The following NHS variants were observed in gnomAD, a reference collection of about 807,000 sequenced individuals.
NHS encodes the protein actin remodeling regulator NHS.
NHS carries 5 observed loss-of-function variants against 72.5 expected under a neutral mutation model. That is an observed-to-expected ratio of 0.07 (90% CI 0.04 to 0.14). The LOEUF (loss-of-function observed/expected upper bound fraction) is 0.14, where lower values mean the gene tolerates loss of function less well. Among genes scored for constraint, NHS ranks in the 10% least tolerant of loss-of-function variants. NHS has a pLI of 1.00. For missense variants in NHS, 1,072 were observed against 1,355.7 expected, an observed-to-expected ratio of 0.79 and a Z score of 3.29; for synonymous variants, 464 against 547.7, an observed-to-expected ratio of 0.85 and a Z score of 2.13.
intron 1 of NHS, among the ~76,000 whole-genome samples, chrX:17,451,935 T>C (rs1408756286): frequency 8.9e-6 from 1 of 112,130 alleles, no homozygotes; most frequent in Non-Finnish European, 1.9e-5. Flanking sequence ...CATCCTTAAA[T>C]TGCTATTTTA....
chrX:17,527,826 T>C (rs2065180414), intron 1 of NHS, among the ~76,000 whole-genome samples: 1 of 111,461 alleles, frequency 9.0e-6, no homozygotes, highest in Non-Finnish European at 1.9e-5. Flanking sequence ...TAAATAGGCT[T>C]CACTGCCCCC....
chrX:17,538,491 G>A lies in NHS; in HGVS notation c.566-149251G>A, dbSNP rs752722015. 3.9e-4 allele frequency among the ~76,000 whole-genome samples: 44 copies of A among 111,840 alleles called. 1 individual carries two copies. The South Asian group carries it at 0.012, about 30-fold the overall frequency. Reference sequence around the variant, plus strand: ...CTCTGGGAAACTAAGCAGAACACACGTCAGAGTTTCCTGCCTAGGAGGTGA... The same window carrying A: ...CTCTGGGAAACTAAGCAGAACACACATCAGAGTTTCCTGCCTAGGAGGTGA... On this transcript the variant is annotated intron_variant, in intron 1 of 8. Coordinates refer to ENST00000676302, the MANE Select transcript of NHS (RefSeq NM_001291867.2).
intron 1 of NHS, among the ~76,000 whole-genome samples, chrX:17,385,229 C>A (rs1385855571): frequency 8.9e-6 from 1 of 112,112 alleles, no homozygotes; most frequent in Non-Finnish European, 1.9e-5. Flanking sequence ...AATGAGTAAT[C>A]TGAGGACCTG....
intron 1 of NHS, among the ~76,000 whole-genome samples, chrX:17,607,701 A>G (rs2065688082): frequency 9.0e-6 from 1 of 111,273 alleles, no homozygotes; most frequent in Non-Finnish European, 1.9e-5. Flanking sequence ...ATCAAGTGCT[A>G]CTGAGCATTT....
intron 1 of NHS, among the ~76,000 whole-genome samples, chrX:17,619,410 C>T (rs1344729228): frequency 8.9e-6 from 1 of 111,737 alleles, no homozygotes; most frequent in Non-Finnish European, 1.9e-5. Context: ...TTGTTTGTTA[C>T]ACTAGTTAGC....
At chrX:17,636,988 C>A (rs1311918591) in intron 1 of NHS, among the ~76,000 whole-genome samples, 1 of 111,613 alleles carries the variant, frequency 9.0e-6, no homozygotes, top group Non-Finnish European at 1.9e-5. Context: ...CACCTCAGAC[C>A]AATCAAATCA....
Position 17,378,629 on chromosome X carries a change from A to C in NHS, c.565+2307A>C, listed in dbSNP as rs963930224. On this transcript the variant is annotated intron_variant, in intron 1 of 8. Transcript: ENST00000676302. ...CTGGAAGCACAGAGAGGGGGTAGGG[A>C]AGTGAGACAGGAAAGGGAGGAAAGA... Among the ~76,000 whole-genome samples the C allele has an allele frequency of 2.7e-5, 3 of 112,075 alleles. No individual in the cohort carries two copies. The Admixed American group carries it at 2.8e-4, about 11-fold the overall frequency.
At chrX:17,713,235 A>C (rs937740790) in intron 3 of NHS, among the ~76,000 whole-genome samples, 4 of 111,360 alleles carry the variant, frequency 3.6e-5, no homozygotes, top group Non-Finnish European at 7.5e-5. Context: ...ATCCACAAAC[A>C]CTCCTGCACA....
At chrX:17,538,441 A>G (rs898796744) in intron 1 of NHS, among the ~76,000 whole-genome samples, 4 of 111,745 alleles carry the variant, frequency 3.6e-5, no homozygotes, top group East Asian at 2.8e-4. Flanking sequence ...AGCGTGGGCA[A>G]TTGGGGCTTC....
intron 1 of NHS, among the ~76,000 whole-genome samples, chrX:17,423,113 G>C (rs1730270866): frequency 8.9e-6 from 1 of 112,049 alleles, no homozygotes; most frequent in Non-Finnish European, 1.9e-5. Context: ...ATTTAATTAG[G>C]AGGTTTTGAT....
chrX:17,537,465 G>A (rs2065232519), intron 1 of NHS, among the ~76,000 whole-genome samples: 1 of 112,749 alleles, frequency 8.9e-6, no homozygotes, highest in African/African-American at 3.2e-5. Flanking sequence ...CCTGCCCCAG[G>A]CAGAGATAAG....
intron 3 of NHS, among the ~76,000 whole-genome samples, chrX:17,700,534 C>T (rs1167386783): frequency 9.0e-6 from 1 of 110,909 alleles, no homozygotes; most frequent in Non-Finnish European, 1.9e-5. Flanking sequence ...AACAATGTAA[C>T]AATGTATTCT....
chrX:17,553,356 A>G (rs2065346499), intron 1 of NHS, among the ~76,000 whole-genome samples: 1 of 112,861 alleles, frequency 8.9e-6, no homozygotes, highest in Non-Finnish European at 1.9e-5. Context: ...GGTGGGTCTG[A>G]GGTATCATTA....
intron 3 of NHS, among the ~76,000 whole-genome samples, chrX:17,703,117 AAAAG>A (rs773193502): frequency 5.4e-5 from 6 of 110,901 alleles, no homozygotes; most frequent in East Asian, 2.8e-4. Context: ...GAAAAATAAA[AAAAG>A]AAAGAAAGAA....
intron 1 of NHS, among the ~76,000 whole-genome samples, chrX:17,495,126 C>T (rs1283440616): frequency 1.8e-5 from 2 of 111,825 alleles, no homozygotes; most frequent in Admixed American, 1.9e-4. Flanking sequence ...GGTGAATGCT[C>T]CTCACCCCTT....
At chrX:17,446,762 G>C (rs183467102) in intron 1 of NHS, among the ~76,000 whole-genome samples, 1 of 110,980 alleles carries the variant, frequency 9.0e-6, no homozygotes, top group African/African-American at 3.3e-5. Flanking sequence ...TTCGGGTTTT[G>C]TTCTGTACAT....
chrX:17,420,419 C>T (rs760360387), intron 1 of NHS, among the ~76,000 whole-genome samples: 3 of 111,351 alleles, frequency 2.7e-5, no homozygotes, highest in African/African-American at 9.8e-5. Context: ...TGAATCCACC[C>T]GTCAATTCAT....
rs761002636 is a variant in NHS, at chrX:17,725,577, G to A, written c.1471G>A (p.Asp491Asn). Reference sequence around the variant, plus strand: ...CATTTCTGCCCTAGCAGACAAAGGTGACACCATGTTTACTCCTGCAGTGAG... The same window carrying A: ...CATTTCTGCCCTAGCAGACAAAGGTAACACCATGTTTACTCCTGCAGTGAG... ...GNISALADKG[D>N]TMFTPAVSSR... The change falls in exon 7 of 9, where the codon GAC becomes AAC. Residue 491 changes from aspartate (D) to asparagine (N), a missense_variant. Transcript: ENST00000676302. 9.1e-5 allele frequency: 110 copies of A among 1,209,764 alleles called. No individual in the cohort carries two copies. Among genetic ancestry groups the A allele is most frequent in the Non-Finnish European group, 1.2e-4 (105 of 895,203 alleles).
chrX:17,452,724 A>G (rs749381098), intron 1 of NHS, among the ~76,000 whole-genome samples: 49 of 111,775 alleles, frequency 4.4e-4, no homozygotes, highest in Non-Finnish European at 9.0e-4. Flanking sequence ...TTACCAGGCA[A>G]TAGTTAGGTT....
Sources: gnomAD v4.1 joint callset for allele counts (sites outside exome capture counted in the v4.1 genomes callset) on GRCh38, gnomAD v4.1.1 for gene constraint, MANE v1.5 for transcripts, NCBI Gene and HGNC (gene_info 2026-07-23, HGNC 2026-07-21) for gene names.